CNTN4: variants seen among roughly 807,000 people sequenced by gnomAD.
CNTN4 encodes contactin-4.
Under a neutral mutation model 122.5 loss-of-function variants are expected in CNTN4, and 77 were observed. The observed-to-expected ratio is 0.63, with a 90% confidence interval of 0.52 to 0.76. The LOEUF (loss-of-function observed/expected upper bound fraction) is 0.76, where lower values mean the gene tolerates loss of function less well. Ranked by LOEUF, CNTN4 falls within the 30% of genes least tolerant of loss-of-function variation. The pLI is 0.00. For synonymous variants in CNTN4, 512 were observed against 447.0 expected, an observed-to-expected ratio of 1.15 and a Z score of -1.83; for missense variants, 1,256 against 1,259.1, an observed-to-expected ratio of 1.00 and a Z score of 0.04.
At chr3:3,045,998 C>G (rs1700608229) in intron 23 of CNTN4, among the ~76,000 whole-genome samples, 2 of 152,086 alleles carry the variant, frequency 1.3e-5, no homozygotes, top group Non-Finnish European at 2.9e-5. Flanking sequence ...CTTCAGTAGC[C>G]AATTCGATCA....
chr3:2,256,172 A>C (rs1019766818), intron 2 of CNTN4, among the ~76,000 whole-genome samples: 3 of 152,204 alleles, frequency 2.0e-5, no homozygotes, highest in African/African-American at 7.2e-5. Flanking sequence ...CCTCTATGCA[A>C]ATAAACGAGA....
intron 4 of CNTN4, among the ~76,000 whole-genome samples, chr3:2,677,437 T>C (rs997032725): frequency 1.3e-5 from 2 of 150,870 alleles, no homozygotes; most frequent in Non-Finnish European, 2.9e-5. Context: ...TCTATGTATC[T>C]ATACATAGAT....
chr3:2,481,087 C>CTTTCTTTCTT (rs1559592904), intron 3 of CNTN4, among the ~76,000 whole-genome samples: 14 of 69,742 alleles, frequency 2.0e-4, no homozygotes, highest in African/African-American at 5.6e-4. Flanking sequence ...CTCTCTTTCT[C>CTTTCTTTCTT]TCTTTCTTTC....
At chr3:2,381,579 A>G (rs1181691304) in intron 3 of CNTN4, among the ~76,000 whole-genome samples, 1 of 152,138 alleles carries the variant, frequency 6.6e-6, no homozygotes, top group African/African-American at 2.4e-5. Context: ...CGCTTAGGAG[A>G]ATATCTGGCA....
At chr3:2,278,638 T>G (rs1381968580) in intron 2 of CNTN4, among the ~76,000 whole-genome samples, 1 of 152,210 alleles carries the variant, frequency 6.6e-6, no homozygotes, top group Non-Finnish European at 1.5e-5. Flanking sequence ...TAAGATACTA[T>G]TACAGCATAG....
At chr3:2,134,452 A>T (rs2034592303) in intron 2 of CNTN4, among the ~76,000 whole-genome samples, 1 of 152,208 alleles carries the variant, frequency 6.6e-6, no homozygotes, top group Admixed American at 6.5e-5. Context: ...GGGAGCATGG[A>T]GGAATCCTTC....
chr3:2,223,180 A>C lies in CNTN4; in HGVS notation c.-144-115998A>C, dbSNP rs376066705. Among the ~76,000 whole-genome samples the C allele has an allele frequency of 1.1e-4, 16 of 152,316 alleles. No individual in the cohort carries two copies. In the East Asian group the frequency reaches 3.1e-3, roughly 29 times the overall value. On this transcript the variant is annotated intron_variant, in intron 2 of 24. Transcript: ENST00000418658. Reference sequence around the variant, plus strand: ...CTTCACCAAAGGGGAATGGAGAGCCAGTAAGTAAAGGCACTCCTTTACTGT... The same window carrying C: ...CTTCACCAAAGGGGAATGGAGAGCCCGTAAGTAAAGGCACTCCTTTACTGT...
chr3:2,577,801 A>G (rs1321051840), intron 4 of CNTN4, among the ~76,000 whole-genome samples: 1 of 151,638 alleles, frequency 6.6e-6, no homozygotes, highest in Non-Finnish European at 1.5e-5. Context: ...GACATTTAAA[A>G]CTCTCTGTGA....
intron 2 of CNTN4, among the ~76,000 whole-genome samples, chr3:2,162,948 T>G (rs1309612660): frequency 6.6e-6 from 1 of 151,868 alleles, no homozygotes; most frequent in Non-Finnish European, 1.5e-5. Context: ...TATATAAAAA[T>G]TAGCTGGGTG....
At chr3:2,391,559 C>A (rs796177350) in intron 3 of CNTN4, among the ~76,000 whole-genome samples, 32 of 152,240 alleles carry the variant, frequency 2.1e-4, no homozygotes, top group African/African-American at 7.5e-4. Context: ...AACATATCCC[C>A]CACACAATAT....
At chr3:2,101,120 G>T (rs1327857269) in intron 2 of CNTN4, among the ~76,000 whole-genome samples, 2 of 152,312 alleles carry the variant, frequency 1.3e-5, no homozygotes, top group East Asian at 3.9e-4. Flanking sequence ...AGGTAATTAA[G>T]AGTGATTAGA....
At chr3:2,559,534 C>T (rs989283188) in intron 3 of CNTN4, among the ~76,000 whole-genome samples, 1 of 151,798 alleles carries the variant, frequency 6.6e-6, no homozygotes, top group Admixed American at 6.6e-5. Context: ...CTGTCCAAAA[C>T]CTTTGTATTG....
chr3:2,230,458 G>T (rs1358965782), intron 2 of CNTN4, among the ~76,000 whole-genome samples: 1 of 152,158 alleles, frequency 6.6e-6, no homozygotes, highest in African/African-American at 2.4e-5. Flanking sequence ...TCAACACCGT[G>T]CTGGGCATTG....
intron 13 of CNTN4, among the ~76,000 whole-genome samples, chr3:2,977,607 G>C (rs1036367186): frequency 6.6e-6 from 1 of 152,042 alleles, no homozygotes; most frequent in Admixed American, 6.6e-5. Context: ...TGAGCAGTGG[G>C]CATGGGAGGT....
chr3:2,717,789 T>G (rs1376682506), intron 4 of CNTN4, among the ~76,000 whole-genome samples: 1 of 1,738 alleles, frequency 5.8e-4, no homozygotes, highest in Admixed American at 7.9e-3. Context: ...ATGTAATCAC[T>G]CCAATACTTG....
At chr3:2,598,289 T>G (rs897124393) in intron 4 of CNTN4, among the ~76,000 whole-genome samples, 3 of 152,194 alleles carry the variant, frequency 2.0e-5, no homozygotes, top group Admixed American at 2.0e-4. Context: ...CCACACTCCG[T>G]AAATTGCAGT....
intron 3 of CNTN4, among the ~76,000 whole-genome samples, chr3:2,431,330 T>C (rs1356861697): frequency 1.3e-5 from 2 of 152,214 alleles, no homozygotes; most frequent in African/African-American, 4.8e-5. Context: ...TATTTTCATT[T>C]CATAAATGCA....
At chr3:2,119,598 T>A (rs180963030) in intron 2 of CNTN4, among the ~76,000 whole-genome samples, 2 of 152,322 alleles carry the variant, frequency 1.3e-5, no homozygotes, top group Admixed American at 1.3e-4. Context: ...AGATGGAATT[T>A]GTTACTCCCT....
At chr3:2,127,073 TG>T (rs2034209827) in intron 2 of CNTN4, among the ~76,000 whole-genome samples, 1 of 151,988 alleles carries the variant, frequency 6.6e-6, no homozygotes, top group Non-Finnish European at 1.5e-5. Context: ...CTTTGTGGTT[TG>T]CGTTTTTCTC....
Sources: allele counts gnomAD v4.1 joint callset (sites outside exome capture counted in the v4.1 genomes callset), GRCh38; gene constraint gnomAD v4.1.1; transcripts MANE v1.5; gene names NCBI Gene and HGNC (gene_info 2026-07-23, HGNC 2026-07-21).